NTN4: variants seen among roughly 807,000 people sequenced by gnomAD.
NTN4 encodes the protein netrin-4.
NTN4 carries 32 observed loss-of-function variants against 73.6 expected under a neutral mutation model. That is an observed-to-expected ratio of 0.44 (90% confidence interval 0.33 to 0.58). The LOEUF (loss-of-function observed/expected upper bound fraction) is 0.58, where lower values mean the gene tolerates loss of function less well. Ranked by LOEUF, NTN4 falls within the 20% of genes least tolerant of loss-of-function variation. NTN4 has a pLI of 0.04. For missense variants in NTN4, 654 were observed against 798.3 expected, an observed-to-expected ratio of 0.82 and a Z score of 2.18; for synonymous variants, 258 against 287.5, an observed-to-expected ratio of 0.90 and a Z score of 1.04.
intron 9 of NTN4, among the ~76,000 whole-genome samples, chr12:95,664,136 T>C (rs1469303272): frequency 6.6e-6 from 1 of 151,994 alleles, no homozygotes; most frequent in African/African-American, 2.4e-5. Context: ...TCACTGCAGT[T>C]TTGACCTCCC....
chr12:95,689,089 A>G (rs893912762), intron 5 of NTN4, among the ~76,000 whole-genome samples: 1 of 152,126 alleles, frequency 6.6e-6, no homozygotes, highest in Non-Finnish European at 1.5e-5. Context: ...GCCCCTCCCC[A>G]TAAGCTCTCT....
At chr12:95,679,513 C>G (rs1358878724) in intron 7 of NTN4, among the ~76,000 whole-genome samples, 1 of 152,170 alleles carries the variant, frequency 6.6e-6, no homozygotes, top group Non-Finnish European at 1.5e-5. Context: ...TAGCTTGTTT[C>G]CAACTCCAAC....
intron 2 of NTN4, among the ~76,000 whole-genome samples, chr12:95,779,409 A>G (rs2079116903): frequency 6.6e-6 from 1 of 152,244 alleles, no homozygotes; most frequent in Non-Finnish European, 1.5e-5. Context: ...AGAAAACTCC[A>G]TTGTCTCAGC....
intron 5 of NTN4, among the ~76,000 whole-genome samples, chr12:95,706,238 C>CT (rs1402873897): frequency 6.6e-6 from 1 of 151,984 alleles, no homozygotes; most frequent in Non-Finnish European, 1.5e-5. Context: ...GGCTGGTGAC[C>CT]TTTTTACATT....
chr12:95,768,833 A>G (rs1348274913), intron 2 of NTN4, among the ~76,000 whole-genome samples: 3 of 152,198 alleles, frequency 2.0e-5, no homozygotes, highest in African/African-American at 7.2e-5. Context: ...CATACCCACT[A>G]AAGAGAGACC....
In NTN4 at chr12:95,781,653, T is replaced by C. The variant is rs1034914356; in HGVS notation, c.585+5286A>G. On this transcript the variant is annotated intron_variant, in intron 2 of 9. Coordinates refer to ENST00000343702, the MANE Select transcript of NTN4 (RefSeq NM_021229.4). This position sits in a 1 kb window ranked among gnomAD's most constrained non-coding sequence, Gnocchi z 4.1. ...GTTGTTAAGCTTGATTCTCTCATCT[T>C]ACCATGTCATTTCTATTTCTCCATT... 1.3e-5 allele frequency among the ~76,000 whole-genome samples: 2 copies of C among 152,236 alleles called. No homozygotes were observed. Among genetic ancestry groups the C allele is most frequent in the Non-Finnish European group, 2.9e-5 (2 of 68,038 alleles).
intron 5 of NTN4, among the ~76,000 whole-genome samples, chr12:95,691,366 G>A (rs2078400147): frequency 6.6e-6 from 1 of 152,192 alleles, no homozygotes; most frequent in African/African-American, 2.4e-5. Flanking sequence ...CAGAGTGACA[G>A]AAGTTCTTAA....
intron 9 of NTN4, among the ~76,000 whole-genome samples, chr12:95,661,582 G>A (rs1565874598): frequency 6.6e-6 from 1 of 152,212 alleles, no homozygotes; most frequent in Non-Finnish European, 1.5e-5. Context: ...TAGAGACACT[G>A]ATGGGAGGTT....
intron 5 of NTN4, among the ~76,000 whole-genome samples, chr12:95,686,410 C>T (rs974407092): frequency 3.3e-5 from 5 of 152,130 alleles, no homozygotes; most frequent in African/African-American, 7.2e-5. Context: ...AAGGAGGGAT[C>T]ATTTAGCGAT....
chr12:95,745,179 C>T (rs146004044), intron 2 of NTN4, among the ~76,000 whole-genome samples: 12 of 152,100 alleles, frequency 7.9e-5, no homozygotes, highest in African/African-American at 2.9e-4. Flanking sequence ...TTCTTGGATC[C>T]ATGGATTTAT....
At chr12:95,739,341 AC>A (rs1238285913) in intron 2 of NTN4, among the ~76,000 whole-genome samples, 1 of 152,160 alleles carries the variant, frequency 6.6e-6, no homozygotes, top group Non-Finnish European at 1.5e-5. Flanking sequence ...CTATTTTTGA[AC>A]TTTTAAAGCT....
At chr12:95,754,087 G>C (rs143949443) in intron 2 of NTN4, among the ~76,000 whole-genome samples, 41,693 of 152,008 alleles carry the variant, frequency 0.27, 6,534 homozygotes, top group South Asian at 0.41. Flanking sequence ...GGACTATGCT[G>C]AATCTCCTTA....
intron 8 of NTN4, among the ~76,000 whole-genome samples, chr12:95,668,028 A>G (rs547504163): frequency 1.3e-5 from 2 of 152,266 alleles, no homozygotes; most frequent in Non-Finnish European, 2.9e-5. Flanking sequence ...ACGCTCAGTA[A>G]ATGTTCGCTA....
intron 2 of NTN4, among the ~76,000 whole-genome samples, chr12:95,768,224 A>C (rs1324960659): frequency 6.6e-6 from 1 of 152,186 alleles, no homozygotes; most frequent in Non-Finnish European, 1.5e-5. Flanking sequence ...GCTATGACAG[A>C]GGTGAACATA....
At chr12:95,732,465 G>A (rs1361018654) in intron 3 of NTN4, among the ~76,000 whole-genome samples, 2 of 128,338 alleles carry the variant, frequency 1.6e-5, no homozygotes, top group Non-Finnish European at 1.7e-5. Flanking sequence ...GTGCAATGGC[G>A]CAATCTCAGC....
chr12:95,766,518 A>C (rs1379597104), intron 2 of NTN4, among the ~76,000 whole-genome samples: 2 of 152,166 alleles, frequency 1.3e-5, no homozygotes, highest in African/African-American at 4.8e-5. Context: ...ATTTGGTCAT[A>C]CTCTTGCCTT....
chr12:95,728,979 G>A (rs1287427507), intron 3 of NTN4, among the ~76,000 whole-genome samples: 9 of 152,002 alleles, frequency 5.9e-5, no homozygotes, highest in Admixed American at 1.3e-4. Context: ...TTTGTCTTCC[G>A]CCATGATTGG....
In NTN4 at chr12:95,782,452, C is replaced by T. The variant is rs369133165; in HGVS notation, c.585+4487G>A. Among the ~76,000 whole-genome samples, 9 of 152,030 alleles carry T rather than the reference C, an allele frequency of 5.9e-5. No individual in the cohort carries two copies. In the South Asian group the frequency reaches 1.7e-3, roughly 28 times the overall value. On this transcript the variant is annotated intron_variant, in intron 2 of 9. Transcript: ENST00000343702. ...CTGGGATTACAGGTGTGTGCCACCA[C>T]ACCTGGCTAACTTTTTTGTATTTTT...
intron 7 of NTN4, among the ~76,000 whole-genome samples, chr12:95,682,177 C>G (rs922258065): frequency 6.6e-6 from 1 of 150,522 alleles, no homozygotes; most frequent in African/African-American, 2.5e-5. Flanking sequence ...CCACCTTAGC[C>G]TCTCAAGTAG....
Sources: allele counts gnomAD v4.1 joint callset (sites outside exome capture counted in the v4.1 genomes callset), GRCh38; gene constraint gnomAD v4.1.1; non-coding constraint Gnocchi (gnomAD v3.1); transcripts MANE v1.5; gene names NCBI Gene and HGNC (gene_info 2026-07-23, HGNC 2026-07-21).